Variants in NOTCH2NLR observed in about 807,000 individuals in gnomAD.
NOTCH2NLR encodes notch 2 N-terminal like R (pseudogene).
In NOTCH2NLR, 33 loss-of-function variants were observed where a neutral mutation model predicts 35.6. That is an observed-to-expected ratio of 0.93 (90% CI 0.70 to 1.24). The LOEUF is 1.24. Among genes scored for constraint, NOTCH2NLR ranks in the 50% most tolerant of loss-of-function variants. NOTCH2NLR has a pLI of 0.00. For missense variants in NOTCH2NLR, 276 were observed against 362.2 expected, an observed-to-expected ratio of 0.76 and a Z score of 1.93; for synonymous variants, 103 against 141.0, an observed-to-expected ratio of 0.73 and a Z score of 1.91.
Position 120,790,660 on chromosome 1 carries a change from C to T in NOTCH2NLR, c.416-2501C>T, listed in dbSNP as rs1285814167. ...CTCACTCTGTTGCTTAGTACAGTGG[C>T]GCAGTCTCGGCTCACTGCAACCTCC... is the stretch of plus-strand genomic sequence containing the variant. On this transcript the variant is annotated intron_variant, in intron 3 of 4. Coordinates refer to ENST00000624419, the Ensembl canonical transcript of NOTCH2NLR. Among the ~76,000 whole-genome samples the T allele has an allele frequency of 2.9e-4, 31 of 107,944 alleles. 11 individuals carry two copies. Among genetic ancestry groups the T allele is most frequent in the Admixed American group, 1.1e-3 (12 of 10,956 alleles). 70.8% of individuals were successfully genotyped at this position (107,944 alleles called of 152,430 possible). A position where few individuals can be genotyped will look rare whatever the true frequency, so the allele number is the denominator to read the frequency against.
At chr1:120,785,473 AG>A (rs1484147945) in intron 3 of NOTCH2NLR, among the ~76,000 whole-genome samples, 2 of 49,642 alleles carry the variant, frequency 4.0e-5, no homozygotes, top group Non-Finnish European at 6.6e-5. Context: ...TATATATGTC[AG>A]GGCCAGGTGC....
intron 1 of NOTCH2NLR, among the ~76,000 whole-genome samples, chr1:120,727,826 T>A (rs1249921334): frequency 8.5e-6 from 1 of 117,558 alleles, no homozygotes; most frequent in East Asian, 2.1e-4. Flanking sequence ...TCTCTGCAAA[T>A]GACTTGAAAC....
chr1:120,735,299 A>C lies in NOTCH2NLR; in HGVS notation c.73+11049A>C, dbSNP rs1256916020. 2.4e-4 allele frequency among the ~76,000 whole-genome samples: 12 copies of C among 49,708 alleles called. 3 individuals are homozygous for C. Among genetic ancestry groups the C allele is most frequent in the African/African-American group, 4.9e-4 (2 of 4,102 alleles). The allele number at this position is 49,708 out of a possible 152,430, so 32.6% of individuals were successfully genotyped here. A position where few individuals can be genotyped will look rare whatever the true frequency, so the allele number is the denominator to read the frequency against. Reference sequence around the variant, plus strand: ...AGGCTGGTCTCGTACTCCTGACCTCAGTTGATCTGCCCGCCTCAGCCTCCC... The same window carrying C: ...AGGCTGGTCTCGTACTCCTGACCTCCGTTGATCTGCCCGCCTCAGCCTCCC... On this transcript the variant is annotated intron_variant, in intron 1 of 4. Coordinates refer to ENST00000624419, the Ensembl canonical transcript of NOTCH2NLR.
rs1651402036 is a variant in NOTCH2NLR, at chr1:120,784,698, CT to C, written c.156-272del. 1.7e-5 allele frequency among the ~76,000 whole-genome samples: 2 copies of C among 118,162 alleles called. 1 individual carries two copies. Among genetic ancestry groups the C allele is most frequent in the East Asian group, 4.2e-4 (2 of 4,768 alleles). 77.5% of individuals were successfully genotyped at this position (118,162 alleles called of 152,430 possible). On this transcript the variant is annotated intron_variant, in intron 2 of 4. Coordinates refer to ENST00000624419, the Ensembl canonical transcript of NOTCH2NLR. ...GCACTTAACTCCATCTATTGTGCAT[CT>C]TTTACTTAGTAATTTTGTTTTCGTC...
intron 1 of NOTCH2NLR, among the ~76,000 whole-genome samples, chr1:120,732,481 A>AT (rs2101349922): frequency 1.3e-5 from 1 of 74,156 alleles, no homozygotes; most frequent in Non-Finnish European, 2.3e-5. Flanking sequence ...TAGCAAAGAC[A>AT]TTTTTGTTTA....
intron 2 of NOTCH2NLR, among the ~76,000 whole-genome samples, chr1:120,770,378 C>A (rs1489254838): frequency 2.7e-5 from 3 of 110,596 alleles, no homozygotes; most frequent in Admixed American, 8.6e-5. Flanking sequence ...ACTGTGTTAG[C>A]CAGGATGGTC....
At chr1:120,790,010 C>CA (rs1651466038) in intron 3 of NOTCH2NLR, among the ~76,000 whole-genome samples, 2 of 34,940 alleles carry the variant, frequency 5.7e-5, no homozygotes, top group Non-Finnish European at 1.0e-4. Context: ...TTCTGATCAC[C>CA]TTTTTTTTTT....
At position 120,730,579 on chromosome 1, in the gene NOTCH2NLR, T is replaced by G. The variant is rs1448388087; in HGVS notation, c.73+6329T>G. On this transcript the variant is annotated intron_variant, in intron 1 of 4. Coordinates refer to ENST00000624419, the Ensembl canonical transcript of NOTCH2NLR. ...AGTGGTAGGAGGTTTGCCGTAGATC[T>G]GTTTTTTCTCCTGTCTCACTTTTTG... 1.2e-4 allele frequency among the ~76,000 whole-genome samples: 14 copies of G among 113,858 alleles called. 5 individuals are homozygous for G. Among genetic ancestry groups the G allele is most frequent in the African/African-American group, 7.5e-4 (14 of 18,724 alleles). The allele number at this position is 113,858 out of a possible 152,430, so 74.7% of individuals were successfully genotyped here. A position where few individuals can be genotyped will look rare whatever the true frequency, so the allele number is the denominator to read the frequency against.
intron 2 of NOTCH2NLR, among the ~76,000 whole-genome samples, chr1:120,767,788 G>C (rs1388897160): frequency 8.9e-6 from 1 of 112,876 alleles, no homozygotes; most frequent in Non-Finnish European, 1.7e-5. Flanking sequence ...TTTGATTAAA[G>C]ATCATGGACA....
rs1437476178 is a variant in NOTCH2NLR at position 120,791,436 on chromosome 1, G to A, written c.416-1725G>A. On this transcript the variant is annotated intron_variant, in intron 3 of 4. Coordinates refer to ENST00000624419, the Ensembl canonical transcript of NOTCH2NLR. Reference sequence around the variant, plus strand: ...TGATAGACTGGATTAAGAAAATGTGGCACATATACACCATGGAATACTATT... The same window carrying A: ...TGATAGACTGGATTAAGAAAATGTGACACATATACACCATGGAATACTATT... Among the ~76,000 whole-genome samples the A allele has an allele frequency of 3.8e-5, 4 of 106,456 alleles. 1 individual carries two copies. Among genetic ancestry groups the A allele is most frequent in the African/African-American group, 1.2e-4 (2 of 16,298 alleles). 69.8% of individuals were successfully genotyped at this position (106,456 alleles called of 152,430 possible).
Position 120,724,023 on chromosome 1 carries a change from C to G in NOTCH2NLR, c.-155C>G. On this transcript the variant is annotated 5_prime_UTR_variant, in exon 1 of 5. Coordinates refer to ENST00000624419, the Ensembl canonical transcript of NOTCH2NLR. ...GCGCGGGGAGTCGAGGCATTTGCAC[C>G]TGGGCTTCGGAGCGTAGCGCCAGGG... The G allele has an allele frequency of 2.4e-6, 3 of 1,243,100 alleles. 1 individual carries two copies. The highest frequency in any genetic ancestry group is 1.0e-6 in the Non-Finnish European group (1 of 987,580). The allele number at this position is 1,243,100 out of a possible 1,614,324, so 77.0% of individuals were successfully genotyped here. A position where few individuals can be genotyped will look rare whatever the true frequency, so the allele number is the denominator to read the frequency against.
rs1650831756 is a variant in NOTCH2NLR, at chr1:120,727,802, T to A, written c.73+3552T>A. Among the ~76,000 whole-genome samples the A allele has an allele frequency of 1.7e-5, 2 of 118,186 alleles. 1 individual carries two copies. Among genetic ancestry groups the A allele is most frequent in the Non-Finnish European group, 3.3e-5 (2 of 61,386 alleles). 77.5% of individuals were successfully genotyped at this position (118,186 alleles called of 152,430 possible). A position where few individuals can be genotyped will look rare whatever the true frequency, so the allele number is the denominator to read the frequency against. ...CACGCTTTCCTGATTTTCCTGTTTT[T>A]GTTTCCCCCCCTTTCTCTGCAAATG... On this transcript the variant is annotated intron_variant, in intron 1 of 4. Transcript: ENST00000624419.
chr1:120,793,790 G>C lies in NOTCH2NLR; in HGVS notation c.795G>C (p.Gln265His). 2.8e-5 allele frequency: 29 copies of C among 1,023,318 alleles called. 3 individuals are homozygous for C. The highest frequency in any genetic ancestry group is 4.0e-5 in the Non-Finnish European group (28 of 701,576). 63.4% of individuals were successfully genotyped at this position (1,023,318 alleles called of 1,614,324 possible). The change falls in exon 5 of 5, where the codon CAG becomes CAC. Residue 265 changes from glutamine to histidine, a missense_variant. Transcript: ENST00000624419. ...GGAACAGAGCTCTGGGAAAGAGACA[G>C]GCAAGTCTGGAATGGAAAAGAACAC... is the stretch of plus-strand genomic sequence containing the variant.
intron 1 of NOTCH2NLR, among the ~76,000 whole-genome samples, chr1:120,734,442 C>T (rs1215361782): frequency 9.7e-5 from 8 of 82,310 alleles, no homozygotes; most frequent in African/African-American, 4.6e-4. Flanking sequence ...TCAGAAAACG[C>T]CAGTTAGACC....
intron 2 of NOTCH2NLR, 48 bp downstream of exon 2, chr1:120,763,757 C>A: frequency 4.2e-6 from 3 of 719,914 alleles, no homozygotes; most frequent in Non-Finnish European, 7.1e-6. Context: ...GAACACTGGA[C>A]AAGATTTGAT....
chr1:120,745,144 A>AC (rs1650966798), intron 1 of NOTCH2NLR, among the ~76,000 whole-genome samples: 1 of 101,058 alleles, frequency 9.9e-6, no homozygotes, highest in East Asian at 2.3e-4. Flanking sequence ...CAAAAAAAAA[A>AC]CAAAAAAAAG....
chr1:120,724,322 A>T, intron 1 of NOTCH2NLR, 72 bp downstream of exon 1: 2 of 1,360,544 alleles, frequency 1.5e-6, no homozygotes, highest in Non-Finnish European at 1.9e-6. Context: ...TCTCCCCCTC[A>T]GTCCTTCTCT....
rs1273116011 is a variant in NOTCH2NLR, at chr1:120,751,601, C to T, written c.74-12027C>T. ...AGGCCAGGGCATCTGCTCGTTCGCT[C>T]GCTCGCTTGCTCTTTCTCTCTTCCC... On this transcript the variant is annotated intron_variant, in intron 1 of 4. Transcript: ENST00000624419. 5.3e-5 allele frequency among the ~76,000 whole-genome samples: 3 copies of T among 57,108 alleles called. 1 individual carries two copies. Among genetic ancestry groups the T allele is most frequent in the South Asian group, 4.2e-4 (1 of 2,354 alleles). The allele number at this position is 57,108 out of a possible 152,430, so 37.5% of individuals were successfully genotyped here.
In NOTCH2NLR at chr1:120,756,389, G is replaced by T. The variant is rs1651080388; in HGVS notation, c.74-7239G>T. 5.1e-5 allele frequency among the ~76,000 whole-genome samples: 6 copies of T among 117,876 alleles called. 2 individuals carry two copies. Among genetic ancestry groups the T allele is most frequent in the Non-Finnish European group, 9.8e-5 (6 of 61,076 alleles). The allele number at this position is 117,876 out of a possible 152,430, so 77.3% of individuals were successfully genotyped here. ...AAACGTTGAAGAAAAAGTTAAAAGA[G>T]CCTGTATAACTCCTCTTCATGTATT... On this transcript the variant is annotated intron_variant, in intron 1 of 4. Transcript: ENST00000624419.
Sources: gnomAD v4.1 joint callset for allele counts (sites outside exome capture counted in the v4.1 genomes callset) on GRCh38, gnomAD v4.1.1 for gene constraint, MANE v1.5 for transcripts, NCBI Gene and HGNC (gene_info 2026-07-23, HGNC 2026-07-21) for gene names.